NUP205: variants seen among roughly 807,000 people sequenced by gnomAD.
NUP205 encodes nucleoporin 205, also known as nuclear pore complex protein Nup205.
Under a neutral mutation model 253.8 loss-of-function variants are expected in NUP205, and 76 were observed. The observed-to-expected ratio is 0.30, with a 90% CI of 0.25 to 0.36. The LOEUF (loss-of-function observed/expected upper bound fraction) is 0.36, where lower values mean the gene tolerates loss of function less well. Among genes scored for constraint, NUP205 ranks in the 10% least tolerant of loss-of-function variants. The pLI, the probability that NUP205 is intolerant of heterozygous loss-of-function variation, is 1.00. For synonymous variants in NUP205, 832 were observed against 850.1 expected, an observed-to-expected ratio of 0.98 and a Z score of 0.37; for missense variants, 2,162 against 2,425.5, an observed-to-expected ratio of 0.89 and a Z score of 2.28.
chr7:135,572,618 G>A (rs1422907151), intron 2 of NUP205, among the ~76,000 whole-genome samples: 1 of 152,208 alleles, frequency 6.6e-6, no homozygotes, highest in Non-Finnish European at 1.5e-5. Flanking sequence ...CTGGAGTGCA[G>A]CGGTGCGATC....
At position 135,648,504 on chromosome 7, in the gene NUP205, T is replaced by C; in HGVS notation, c.5987T>C (p.Ile1996Thr). 1 of 1,605,418 alleles carries C rather than the reference T, an allele frequency of 6.2e-7. No individual in the cohort carries two copies. The highest frequency in any genetic ancestry group is 8.5e-7 in the Non-Finnish European group (1 of 1,177,324). ...AAAGTTCGATCTCGATATAGTTTCA[T>C]ACAGGCTCTTGTCAGACGTATCCGT... ...YSKVRSRYSF[I>T]QALVRRIRGL... Residue 1996 changes from isoleucine (I) to threonine (T), a missense_variant, in exon 43 of 43, where the codon ATA becomes ACA. This residue lies in a region of NUP205 where 1,144 missense variants were observed against 1,280.9 expected (regional missense o/e 0.89). Coordinates refer to ENST00000285968, the MANE Select transcript of NUP205 (RefSeq NM_015135.3).
intron 35 of NUP205, among the ~76,000 whole-genome samples, chr7:135,634,491 G>C (rs560575053): frequency 6.6e-6 from 1 of 152,292 alleles, no homozygotes; most frequent in South Asian, 2.1e-4. Context: ...AAGGAGTTCA[G>C]ATGGGAAAGG....
chr7:135,563,690 G>A (rs983107195), intron 1 of NUP205, among the ~76,000 whole-genome samples: 1 of 151,994 alleles, frequency 6.6e-6, no homozygotes, highest in Non-Finnish European at 1.5e-5. Flanking sequence ...AATTTATAGT[G>A]TCCCTTCATT....
intron 30 of NUP205, among the ~76,000 whole-genome samples, chr7:135,621,356 A>ACT (rs5887737): frequency 0.24 from 36,296 of 152,036 alleles, 4,469 homozygotes; most frequent in South Asian, 0.32. Flanking sequence ...GGATTTCTCC[A>ACT]CTCAGCACCT....
chr7:135,646,381 A>T, intron 42 of NUP205, 150 bp downstream of exon 42: 1 of 617,034 alleles, frequency 1.6e-6, no homozygotes, highest in Non-Finnish European at 2.8e-6. Context: ...TGGGCAACAT[A>T]GTGAGACCCC....
At chr7:135,633,755 A>G (rs1433038517) in intron 35 of NUP205, among the ~76,000 whole-genome samples, 2 of 152,160 alleles carry the variant, frequency 1.3e-5, no homozygotes, top group Admixed American at 6.5e-5. Flanking sequence ...ATTTTTGTCC[A>G]TTTGAACTGA....
rs562976936 is a variant in NUP205, at chr7:135,617,551, T to C, written c.3691-51T>C. Reference sequence around the variant, plus strand: ...TATGGTAATTGCTAGGTGTTACTGTTCTACCAGTGTCTGAAATGTCTTATT... The same window carrying C: ...TATGGTAATTGCTAGGTGTTACTGTCCTACCAGTGTCTGAAATGTCTTATT... On this transcript the variant is annotated intron_variant, in intron 26 of 42. Transcript: ENST00000285968. 1.2e-5 allele frequency: 16 copies of C among 1,368,126 alleles called. No homozygotes were observed. The African/African-American group carries it at 2.0e-4, about 17-fold the overall frequency. The allele number at this position is 1,368,126 out of a possible 1,614,324, so 84.7% of individuals were successfully genotyped here. A position where few individuals can be genotyped will look rare whatever the true frequency, so the allele number is the denominator to read the frequency against.
intron 9 of NUP205, 23 bp from the exon 10 acceptor site, chr7:135,587,832 C>T (rs202161902): frequency 1.1e-4 from 174 of 1,595,490 alleles, no homozygotes; most frequent in Middle Eastern, 1.7e-4. Flanking sequence ...CATTTCCCTA[C>T]AGTCTTTGCT....
Position 135,648,657 on chromosome 7 carries a change from C to T in NUP205, c.*101C>T. On this transcript the variant is annotated 3_prime_UTR_variant, in exon 43 of 43. Transcript: ENST00000285968. Reference sequence around the variant, plus strand: ...CTAAATTATGACCAAAAATATTTTGCTATTTCTTTCTTTGTATATGGACAT... The same window carrying T: ...CTAAATTATGACCAAAAATATTTTGTTATTTCTTTCTTTGTATATGGACAT... 4 of 986,574 alleles carry T rather than the reference C, an allele frequency of 4.1e-6. No individual in the cohort carries two copies. Among genetic ancestry groups the T allele is most frequent in the South Asian group, 6.3e-5 (2 of 31,694 alleles). 61.1% of individuals were successfully genotyped at this position (986,574 alleles called of 1,614,324 possible). A position where few individuals can be genotyped will look rare whatever the true frequency, so the allele number is the denominator to read the frequency against.
Position 135,648,574 on chromosome 7 carries a change from C to T in NUP205, c.*18C>T. The T allele has an allele frequency of 1.3e-6, 2 of 1,494,494 alleles. No individual in the cohort carries two copies. The highest frequency in any genetic ancestry group is 2.5e-5 in the East Asian group (1 of 39,538). 92.6% of individuals were successfully genotyped at this position (1,494,494 alleles called of 1,614,324 possible). A position where few individuals can be genotyped will look rare whatever the true frequency, so the allele number is the denominator to read the frequency against. On this transcript the variant is annotated 3_prime_UTR_variant, in exon 43 of 43. Transcript: ENST00000285968. The stretch of plus-strand genomic sequence containing the variant: ...GGAACTGAGAGCCCGTGCTTATGCT[C>T]TTCTATGAGAGAGATGAATTGGGGA...
At position 135,597,430 on chromosome 7, in the gene NUP205, CT is replaced by C; in HGVS notation, c.2064+16del. The C allele has an allele frequency of 1.3e-6, 2 of 1,577,554 alleles. No individual in the cohort carries two copies. The highest frequency in any genetic ancestry group is 8.7e-7 in the Non-Finnish European group (1 of 1,146,854). On this transcript the variant is annotated intron_variant, in intron 14 of 42. Coordinates refer to ENST00000285968, the MANE Select transcript of NUP205 (RefSeq NM_015135.3). The stretch of plus-strand genomic sequence containing the variant: ...CTATTGGTATTGAGGTAAAGTTTTC[CT>C]TTTAGTTTAAATGTTAATTCATTCA...
intron 35 of NUP205, chr7:135,635,271 T>C (rs184671375): frequency 5.6e-6 from 1 of 179,354 alleles, no homozygotes; most frequent in African/African-American, 2.3e-5. Context: ...AACTCCTTTA[T>C]GAGAAAGTAA....
intron 15 of NUP205, chr7:135,598,768 AG>A (rs1418025122): frequency 6.5e-6 from 1 of 152,926 alleles, no homozygotes; most frequent in Non-Finnish European, 1.5e-5. Context: ...ACCACGTGGC[AG>A]GTACTATTTA....
At chr7:135,647,623 G>T (rs1795034868) in intron 42 of NUP205, among the ~76,000 whole-genome samples, 1 of 152,178 alleles carries the variant, frequency 6.6e-6, no homozygotes, top group Non-Finnish European at 1.5e-5. Flanking sequence ...GGGCTCAAGT[G>T]ATTCTCCCGC....
At chr7:135,634,547 T>G (rs763950368) in intron 35 of NUP205, among the ~76,000 whole-genome samples, 4 of 152,168 alleles carry the variant, frequency 2.6e-5, no homozygotes, top group Non-Finnish European at 5.9e-5. Flanking sequence ...AGAAAAACTT[T>G]CCAAAAATTG....
rs2129490443 is a variant in NUP205 at position 135,598,053 on chromosome 7, T to C, written c.2120T>C (p.Phe707Ser). The change falls in exon 15 of 43, where the codon TTT becomes TCT. Residue 707 changes from phenylalanine to serine, a missense_variant. Phe to Ser is a radical substitution (Grantham distance 155). Around this residue, in one of 5 missense-constraint regions of NUP205, gnomAD observed 892 missense variants for 957.1 expected, o/e 0.93. Transcript: ENST00000285968. ...GAAGAATACCCATTGACTCGGGCCT[T>C]TTGCCAGCTTATTAGTACTCTGGTG... ...RCEEYPLTRA[F>S]CQLISTLVES... The C allele has an allele frequency of 1.2e-6, 2 of 1,614,104 alleles. No individual in the cohort carries two copies. Among genetic ancestry groups the C allele is most frequent in the East Asian group, 4.5e-5 (2 of 44,880 alleles).
At chr7:135,612,321 T>C (rs1055666983) in intron 22 of NUP205, among the ~76,000 whole-genome samples, 1 of 152,214 alleles carries the variant, frequency 6.6e-6, no homozygotes, top group South Asian at 2.1e-4. Context: ...TTCATAATCA[T>C]GTTTTATGTG....
intron 1 of NUP205, among the ~76,000 whole-genome samples, chr7:135,567,126 GTGTATATATATATATATA>G (rs1359502477): frequency 5.6e-4 from 3 of 5,378 alleles, no homozygotes; most frequent in Non-Finnish European, 1.5e-3. Context: ...CAGTCTATGT[GTGTATATATATATATATA>G]TATATATATA....
At chr7:135,616,983 A>T (rs1794375231) in intron 25 of NUP205, 107 bp from the exon 26 acceptor site, 2 of 812,696 alleles carry the variant, frequency 2.5e-6, no homozygotes, top group Non-Finnish European at 3.8e-6. Flanking sequence ...TGACTATTTT[A>T]TGCTCTTTCT....
Sources: allele counts gnomAD v4.1 joint callset (sites outside exome capture counted in the v4.1 genomes callset), GRCh38; gene constraint gnomAD v4.1.1; regional missense constraint gnomAD v4.1.1; transcripts MANE v1.5; gene names NCBI Gene and HGNC (gene_info 2026-07-23, HGNC 2026-07-21).